ANKRD45: variants seen among roughly 807,000 people sequenced by gnomAD.
ANKRD45 encodes the protein ankyrin repeat domain-containing protein 45.
In ANKRD45, 21 loss-of-function variants were observed where a neutral mutation model predicts 28.1. That is an observed-to-expected ratio of 0.75 (90% confidence interval 0.53 to 1.08). The LOEUF is 1.08. Ranked by LOEUF, ANKRD45 falls within the 50% of genes least tolerant of loss-of-function variation. The pLI, the probability that ANKRD45 is intolerant of heterozygous loss-of-function variation, is 0.00. For missense variants in ANKRD45, 261 were observed against 308.7 expected, an observed-to-expected ratio of 0.85 and a Z score of 1.16; for synonymous variants, 86 against 103.9, an observed-to-expected ratio of 0.83 and a Z score of 1.05.
At chr1:173,687,928 A>G in the ANKRD45 span, among the ~76,000 whole-genome samples, 1 of 151,470 alleles carries the variant, frequency 6.6e-6, no homozygotes, top group Non-Finnish European at 1.5e-5. Flanking sequence ...ATTAAGATTT[A>G]GATCCCCTGC....
chr1:173,683,907 G>C, the ANKRD45 span, among the ~76,000 whole-genome samples: 1 of 152,168 alleles, frequency 6.6e-6, no homozygotes, highest in Non-Finnish European at 1.5e-5. Flanking sequence ...GCGCACACTT[G>C]AACAAGGGAG....
rs1242174476 is a variant in ANKRD45, at chr1:173,609,457, C to T, written c.*688G>A. ...AAACCACCAATATGAAACCAACTATCGTACTTAAAACCTAGGAAATATAAA... is the reference window on the plus strand; with the variant it reads ...AAACCACCAATATGAAACCAACTATTGTACTTAAAACCTAGGAAATATAAA... On this transcript the variant is annotated 3_prime_UTR_variant, in exon 6 of 6. Coordinates refer to ENST00000333279, the MANE Select transcript of ANKRD45 (RefSeq NM_198493.3). The T allele has an allele frequency of 3.3e-5, 5 of 152,140 alleles. No homozygotes were observed. The highest frequency in any genetic ancestry group is 9.7e-5 in the African/African-American group (4 of 41,428). 9.4% of individuals were successfully genotyped at this position (152,140 alleles called of 1,614,324 possible). A position where few individuals can be genotyped will look rare whatever the true frequency, so the allele number is the denominator to read the frequency against.
chr1:173,680,913 A>G, the ANKRD45 span, among the ~76,000 whole-genome samples: 3 of 141,444 alleles, frequency 2.1e-5, no homozygotes, highest in Non-Finnish European at 3.1e-5. Flanking sequence ...GAGTTGAACA[A>G]TGAGAACACA....
chr1:173,688,780 C>T, the ANKRD45 span, among the ~76,000 whole-genome samples: 1 of 150,582 alleles, frequency 6.6e-6, no homozygotes, highest in Non-Finnish European at 1.5e-5. Context: ...CTTTCTGCCT[C>T]TTTCCTCTCT....
At chr1:173,669,574 G>C (rs999768129) in intron 1 of ANKRD45, 3 of 435,376 alleles carry the variant, frequency 6.9e-6, no homozygotes, top group Non-Finnish European at 9.2e-6. Flanking sequence ...GACACTTCAG[G>C]GCACCAGAGT....
chr1:173,612,982 G>GC (rs1194527319), intron 5 of ANKRD45, among the ~76,000 whole-genome samples: 5 of 152,120 alleles, frequency 3.3e-5, no homozygotes. Context: ...CTCCCAAAAT[G>GC]CCGAGATTGC....
At position 173,613,191 on chromosome 1, in the gene ANKRD45, C is replaced by G. The variant is rs557372369; in HGVS notation, c.731-2976G>C. Among the ~76,000 whole-genome samples the G allele has an allele frequency of 8.6e-5, 13 of 151,942 alleles. No individual in the cohort carries two copies. The East Asian group carries it at 2.5e-3, about 30-fold the overall frequency. The stretch of plus-strand genomic sequence containing the variant: ...CCATCGTCTGAGATGCGGGGAGCAC[C>G]TCTTCCCCGCCACCCCGTCTGGGAT... On this transcript the variant is annotated intron_variant, in intron 5 of 5. Coordinates refer to ENST00000333279, the MANE Select transcript of ANKRD45 (RefSeq NM_198493.3).
upstream of ANKRD45, chr1:173,669,880 C>T (rs1558151877): frequency 5.9e-6 from 1 of 169,494 alleles, no homozygotes; most frequent in Non-Finnish European, 1.5e-5. Context: ...GCAGCGCCTC[C>T]TCCTGCGCCG....
the ANKRD45 span, among the ~76,000 whole-genome samples, chr1:173,688,077 C>T: frequency 6.7e-6 from 1 of 149,500 alleles, no homozygotes. Context: ...TTTGGGCCAT[C>T]TACGGGTTAT....
At chr1:173,703,226 C>T in the ANKRD45 span, among the ~76,000 whole-genome samples, 1 of 147,606 alleles carries the variant, frequency 6.8e-6, no homozygotes, top group African/African-American at 2.5e-5. Context: ...TTTTTTGAGA[C>T]GGAGTCTTGC....
intron 1 of ANKRD45, among the ~76,000 whole-genome samples, chr1:173,660,668 GAGA>G (rs1669736086): frequency 6.6e-6 from 1 of 152,148 alleles, no homozygotes; most frequent in South Asian, 2.1e-4. Flanking sequence ...CGCTGTGATG[GAGA>G]AGGCCACCTT....
intron 1 of ANKRD45, among the ~76,000 whole-genome samples, chr1:173,666,212 A>G (rs1306948448): frequency 1.3e-5 from 2 of 152,186 alleles, no homozygotes; most frequent in African/African-American, 2.4e-5. Flanking sequence ...AACTTATACT[A>G]TCAGCTTTCC....
chr1:173,630,658 T>C (rs544258192), intron 3 of ANKRD45, among the ~76,000 whole-genome samples: 127 of 145,868 alleles, frequency 8.7e-4, no homozygotes, highest in Middle Eastern at 3.9e-3. Context: ...GACCAGCTAC[T>C]AAAAATACAA....
At chr1:173,679,461 T>C in the ANKRD45 span, among the ~76,000 whole-genome samples, 2 of 152,208 alleles carry the variant, frequency 1.3e-5, no homozygotes, top group South Asian at 4.1e-4. Flanking sequence ...ATCCCTTATT[T>C]AATAAACGGT....
chr1:173,692,872 T>C, the ANKRD45 span, among the ~76,000 whole-genome samples: 3 of 152,236 alleles, frequency 2.0e-5, no homozygotes, highest in Admixed American at 2.0e-4. Context: ...AGCATCACTC[T>C]TCTCCTTGTT....
At chr1:173,672,825 A>T (rs1240373231), upstream of ANKRD45, among the ~76,000 whole-genome samples, 2 of 152,300 alleles carry the variant, frequency 1.3e-5, no homozygotes, top group Non-Finnish European at 2.9e-5. Context: ...GAGTATTGGA[A>T]AGAGCCACTG....
At chr1:173,657,189 G>T (rs1354759029) in intron 2 of ANKRD45, among the ~76,000 whole-genome samples, 1 of 151,600 alleles carries the variant, frequency 6.6e-6, no homozygotes, top group Non-Finnish European at 1.5e-5. Context: ...AAGCTCGGCT[G>T]GGCGCGGTGA....
At chr1:173,677,017 G>A in the ANKRD45 span, among the ~76,000 whole-genome samples, 2 of 151,584 alleles carry the variant, frequency 1.3e-5, no homozygotes. Context: ...AAGGAACCGG[G>A]AATATCTTAA....
chr1:173,639,763 T>C (rs1668624101), intron 3 of ANKRD45, among the ~76,000 whole-genome samples: 1 of 152,244 alleles, frequency 6.6e-6, no homozygotes, highest in Non-Finnish European at 1.5e-5. Flanking sequence ...TTGTTGGTAA[T>C]AGTAGATCAG....
Sources: allele counts gnomAD v4.1 joint callset (sites outside exome capture counted in the v4.1 genomes callset), GRCh38; gene constraint gnomAD v4.1.1; transcripts MANE v1.5; gene names NCBI Gene and HGNC (gene_info 2026-07-23, HGNC 2026-07-21).